Variants in ZNF774 observed in about 807,000 individuals in gnomAD.
ZNF774 encodes the protein zinc finger protein 774.
ZNF774 carries 14 observed loss-of-function variants against 11.1 expected under a neutral mutation model. The ratio of observed to expected loss-of-function variants is 1.26; its 90% CI spans 0.83 to 1.97. ZNF774 has a LOEUF of 1.97. ZNF774 is among the 30% of genes most tolerant of loss of function. ZNF774 has a pLI of 0.00. For synonymous variants in ZNF774, 195 were observed against 212.6 expected, an observed-to-expected ratio of 0.92 and a Z score of 0.72; for missense variants, 599 against 587.0, an observed-to-expected ratio of 1.02 and a Z score of -0.21.
intron 2 of ZNF774, among the ~76,000 whole-genome samples, chr15:90,357,294 C>A (rs1303363960): frequency 6.6e-6 from 1 of 152,146 alleles, no homozygotes; most frequent in African/African-American, 2.4e-5. Flanking sequence ...ACCACTTGAG[C>A]TCTGGAGTTC....
At chr15:90,359,924 C>T (rs574352180) in intron 3 of ZNF774, 119 bp from the exon 4 acceptor site, 9 of 1,090,752 alleles carry the variant, frequency 8.3e-6, no homozygotes, top group South Asian at 3.3e-5. Context: ...GAAAACAGAG[C>T]GGTTGAATTA....
chr15:90,352,602 T>G (rs919172777), intron 1 of ZNF774, among the ~76,000 whole-genome samples, 191 bp downstream of exon 1: 1 of 152,102 alleles, frequency 6.6e-6, no homozygotes. Flanking sequence ...GTCATTCTCT[T>G]AATCAGTTTT....
chr15:90,359,991 C>A (rs1021115096), intron 3 of ZNF774, 52 bp from the exon 4 acceptor site: 2 of 1,523,648 alleles, frequency 1.3e-6, no homozygotes, highest in African/African-American at 1.4e-5. Context: ...TTCTGATATT[C>A]CTTCCTGATA....
chr15:90,354,535 C>A, intron 1 of ZNF774, 107 bp from the exon 2 acceptor site: 1 of 668,552 alleles, frequency 1.5e-6, no homozygotes, highest in South Asian at 1.9e-5. Context: ...CCATTCTGGT[C>A]AGGTGTGGGG....
chr15:90,359,759 C>T (rs1181661878), intron 3 of ZNF774, among the ~76,000 whole-genome samples: 1 of 152,172 alleles, frequency 6.6e-6, no homozygotes, highest in Non-Finnish European at 1.5e-5. Context: ...CTGGCCTAAA[C>T]CTATAATATC....
intron 1 of ZNF774, among the ~76,000 whole-genome samples, chr15:90,352,817 A>G (rs1160215578): frequency 6.6e-6 from 1 of 151,742 alleles, no homozygotes; most frequent in Middle Eastern, 3.2e-3. Context: ...GGGGCCTTTG[A>G]GGTCACCTGT....
At chr15:90,359,000 C>A in intron 3 of ZNF774, 43 bp downstream of exon 3, 1 of 1,486,250 alleles carries the variant, frequency 6.7e-7, no homozygotes, top group Non-Finnish European at 9.3e-7. Flanking sequence ...TCTAGCATTT[C>A]AGCCTTGTTT....
chr15:90,357,217 G>C (rs1964260966), intron 2 of ZNF774, among the ~76,000 whole-genome samples: 1 of 151,754 alleles, frequency 6.6e-6, no homozygotes, highest in South Asian at 2.1e-4. Context: ...ATAATTTAAA[G>C]AGTCTGGGCC....
intron 1 of ZNF774, 72 bp from the exon 2 acceptor site, chr15:90,354,570 A>AT (rs1964217638): frequency 2.8e-6 from 3 of 1,058,036 alleles, no homozygotes; most frequent in African/African-American, 1.6e-5. Context: ...ACTGGTGGCC[A>AT]TTTTTTGGCT....
At position 90,360,847 on chromosome 15, in the gene ZNF774, G is replaced by A; in HGVS notation, c.1016G>A (p.Ser339Asn). The change falls in exon 4 of 4, where the codon AGC becomes AAC. Residue 339 changes from serine (S) to asparagine (N), a missense_variant. Ser to Asn is a conservative substitution (Grantham distance 46). Coordinates refer to ENST00000354377, the MANE Select transcript of ZNF774 (RefSeq NM_001004309.3). ...AGTTCTCATTTTGTAGCTCACATGA[G>A]CACTCATTCAGGAGAGAGGCCTTTC... ...RDSSHFVAHMSTHSGERPFSC... is the reference protein window; with the variant it reads ...RDSSHFVAHMNTHSGERPFSC... 2 of 1,614,132 alleles carry A rather than the reference G, an allele frequency of 1.2e-6. No individual in the cohort carries two copies. The highest frequency in any genetic ancestry group is 2.2e-5 in the South Asian group (2 of 91,086).
Position 90,360,706 on chromosome 15 carries a change from G to A in ZNF774, c.875G>A (p.Arg292Lys), listed in dbSNP as rs1567102567. ...ACCCACACAGGGGTGAAGCCTTACA[G>A]GTGTAATGACTGTGGGGAGAGTTTT... is the stretch of plus-strand genomic sequence containing the variant. ...QRTHTGVKPY[R>K]CNDCGESFSQ... The change falls in exon 4 of 4, where the codon AGG (arginine) becomes AAG (lysine). Residue 292 changes from arginine (R) to lysine (K), a missense_variant. Physicochemically the swap from Arg to Lys is conservative, Grantham distance 26. Coordinates refer to ENST00000354377, the MANE Select transcript of ZNF774 (RefSeq NM_001004309.3). The A allele has an allele frequency of 1.9e-6, 3 of 1,614,196 alleles. No homozygotes were observed. The South Asian group carries it at 3.3e-5, about 18-fold the overall frequency.
Position 90,358,817 on chromosome 15 carries a change from C to G in ZNF774, c.105-34C>G, listed in dbSNP as rs1047189832. ...TTGCTCAGGCCTTGTGTGATTGGCTCAGACTCACATCCTATGTTTACATTC... is the reference window on the plus strand; with the variant it reads ...TTGCTCAGGCCTTGTGTGATTGGCTGAGACTCACATCCTATGTTTACATTC... On this transcript the variant is annotated intron_variant, in intron 2 of 3. Coordinates refer to ENST00000354377, the MANE Select transcript of ZNF774 (RefSeq NM_001004309.3). 1.9e-6 allele frequency: 3 copies of G among 1,588,076 alleles called. No homozygotes were observed. In the African/African-American group the frequency reaches 4.0e-5, roughly 21 times the overall value.
intron 2 of ZNF774, among the ~76,000 whole-genome samples, chr15:90,357,962 C>G (rs1446524413): frequency 6.6e-6 from 1 of 151,338 alleles, no homozygotes; most frequent in Non-Finnish European, 1.5e-5. Flanking sequence ...GTGGTGTGAC[C>G]TCGATTCACC....
chr15:90,358,409 A>G (rs1262666619), intron 2 of ZNF774, among the ~76,000 whole-genome samples: 1 of 152,220 alleles, frequency 6.6e-6, no homozygotes, highest in Admixed American at 6.5e-5. Flanking sequence ...TTTACAGGCT[A>G]CTTAACAACT....
chr15:90,360,813 T>C lies in ZNF774; in HGVS notation c.982T>C (p.Phe328Leu). ...PFKCPECGKG[F>L]RDSSHFVAHM... Reference sequence around the variant, plus strand: ...CAAATGCCCGGAGTGCGGGAAGGGCTTCAGAGATAGTTCTCATTTTGTAGC... The same window carrying C: ...CAAATGCCCGGAGTGCGGGAAGGGCCTCAGAGATAGTTCTCATTTTGTAGC... Residue 328 changes from phenylalanine to leucine, a missense_variant, in exon 4 of 4, where the codon TTC becomes CTC. Physicochemically the swap from Phe to Leu is conservative, Grantham distance 22. Transcript: ENST00000354377. The C allele has an allele frequency of 6.2e-7, 1 of 1,614,084 alleles. No individual in the cohort carries two copies. The highest frequency in any genetic ancestry group is 8.5e-7 in the Non-Finnish European group (1 of 1,180,012).
intron 1 of ZNF774, among the ~76,000 whole-genome samples, chr15:90,352,966 C>G (rs1354878709): frequency 6.9e-6 from 1 of 144,890 alleles, no homozygotes; most frequent in East Asian, 2.1e-4. Flanking sequence ...AAATTATACT[C>G]AAAACTCTTT....
At position 90,362,811 on chromosome 15, in the gene ZNF774, T is replaced by C. The variant is rs1964355261; in HGVS notation, c.*1528T>C. 1 of 465,494 alleles carries C rather than the reference T, an allele frequency of 2.1e-6. No homozygotes were observed. Among genetic ancestry groups the C allele is most frequent in the Admixed American group, 3.5e-5 (1 of 28,212 alleles). The allele number at this position is 465,494 out of a possible 1,614,324, so 28.8% of individuals were successfully genotyped here. ...CTTTGTTGGTTAACTATAAATGTAA[T>C]ATCTCTATGTTATAATTCTGTTGCT... is the stretch of plus-strand genomic sequence containing the variant. On this transcript the variant is annotated 3_prime_UTR_variant, in exon 4 of 4. Transcript: ENST00000354377.
At chr15:90,355,618 G>A (rs1429376683) in intron 2 of ZNF774, among the ~76,000 whole-genome samples, 2 of 150,856 alleles carry the variant, frequency 1.3e-5, no homozygotes, top group African/African-American at 4.9e-5. Context: ...AGCTACTTTG[G>A]AGGTTGAGGC....
intron 1 of ZNF774, among the ~76,000 whole-genome samples, chr15:90,354,033 A>G (rs1964210081): frequency 1.2e-5 from 1 of 84,074 alleles, no homozygotes; most frequent in African/African-American, 6.7e-5. Flanking sequence ...GCTTATTCCC[A>G]CTTTCACTTA....
Sources: gnomAD v4.1 joint callset for allele counts (sites outside exome capture counted in the v4.1 genomes callset) on GRCh38, gnomAD v4.1.1 for gene constraint, MANE v1.5 for transcripts, NCBI Gene and HGNC (gene_info 2026-07-23, HGNC 2026-07-21) for gene names.